Variants in GDPGP1 observed in about 807,000 individuals in gnomAD.
GDPGP1 encodes the protein GDP-D-glucose phosphorylase 1, also known as GDP-D-glucose phosphorylase C15orf58.
In GDPGP1, 18 loss-of-function variants were observed where a neutral mutation model predicts 19.2. The observed-to-expected ratio is 0.94, with a 90% CI of 0.65 to 1.39. The LOEUF is 1.39. Among genes scored for constraint, GDPGP1 ranks in the 40% most tolerant of loss-of-function variants. GDPGP1 has a pLI of 0.00. For missense variants in GDPGP1, 449 were observed against 490.5 expected (o/e 0.92, Z 0.80); for synonymous variants, 219 against 208.9 (o/e 1.05, Z -0.42).
In GDPGP1 at chr15:90,241,455, C is replaced by T. The variant is rs1413454607; in HGVS notation, c.547C>T (p.Pro183Ser). The T allele has an allele frequency of 1.2e-6, 2 of 1,613,616 alleles. No homozygotes were observed. Among genetic ancestry groups the T allele is most frequent in the African/African-American group, 2.7e-5 (2 of 75,066 alleles). ...PARQLPQRLL[P>S]GALRAGIEAV... Reference sequence around the variant, plus strand: ...CCGCCAGCTCCCCCAGCGCCTGCTGCCGGGTGCACTGAGGGCAGGGATTGA... The same window carrying T: ...CCGCCAGCTCCCCCAGCGCCTGCTGTCGGGTGCACTGAGGGCAGGGATTGA... Residue 183 changes from proline to serine, a missense_variant, in exon 4 of 4, where the codon CCG (proline) becomes TCG (serine). By Grantham distance (74) the Pro-to-Ser change is moderately conservative. Transcript: ENST00000329600.
Position 90,241,670 on chromosome 15 carries a change from C to G in GDPGP1, c.762C>G (p.Gly254=). Residue 254 remains glycine (G), a synonymous_variant, in exon 4 of 4, where the codon GGC becomes GGG. Coordinates refer to ENST00000329600, the MANE Select transcript of GDPGP1 (RefSeq NM_001013657.3). ...LHLLQDLPAP[G]FLFYTRGPGP... ...TGCTCCAGGACCTCCCAGCTCCTGGCTTCCTCTTTTACACTCGTGGGCCAG... is the reference window on the plus strand; with the variant it reads ...TGCTCCAGGACCTCCCAGCTCCTGGGTTCCTCTTTTACACTCGTGGGCCAG... 1 of 1,614,220 alleles carries G rather than the reference C, an allele frequency of 6.2e-7. No homozygotes were observed. The highest frequency in any genetic ancestry group is 8.5e-7 in the Non-Finnish European group (1 of 1,180,024).
intron 2 of GDPGP1, among the ~76,000 whole-genome samples, chr15:90,235,252 C>T (rs1463767049): frequency 6.6e-6 from 1 of 152,168 alleles, no homozygotes; most frequent in East Asian, 1.9e-4. Flanking sequence ...ACTGTATTAA[C>T]AGGTACATTC....
Position 90,242,903 on chromosome 15 carries a change from ATGGTCTCTTTAAAGGGGAGCTGATAG to A in GDPGP1, c.*857_*882del, listed in dbSNP as rs910183212. 2.6e-5 allele frequency: 4 copies of A among 152,292 alleles called. No individual in the cohort carries two copies. Among genetic ancestry groups the A allele is most frequent in the East Asian group, 1.9e-4 (1 of 5,182 alleles). 9.4% of individuals were successfully genotyped at this position (152,292 alleles called of 1,614,324 possible). On this transcript the variant is annotated 3_prime_UTR_variant, in exon 4 of 4. Transcript: ENST00000329600. The stretch of plus-strand genomic sequence containing the variant: ...TGATCTCTTAAAGGGGAGAAAGATA[ATGGTCTCTTTAAAGGGGAGCTGATAG>A]TGGTCTCTTTAAAGGGGAGAAAATC...
At chr15:90,234,421 G>C (rs894766762) in intron 1 of GDPGP1, 101 bp from the exon 2 acceptor site, 4 of 152,666 alleles carry the variant, frequency 2.6e-5, no homozygotes, top group African/African-American at 9.6e-5. Context: ...CCTCTGCCCA[G>C]CAAGGGCTTT....
rs1962820232 is a variant in GDPGP1 at position 90,244,056 on chromosome 15, G to C, written c.*1990G>C. On this transcript the variant is annotated 3_prime_UTR_variant, in exon 4 of 4. Coordinates refer to ENST00000329600, the MANE Select transcript of GDPGP1 (RefSeq NM_001013657.3). ...CTCCTGGGTTCAAGCAATTCAGCCT[G>C]AGTCTTCTTAATACCCCCATTCAAA... 6.6e-6 allele frequency: 1 copy of C among 151,902 alleles called. No homozygotes were observed. Among genetic ancestry groups the C allele is most frequent in the Non-Finnish European group, 1.5e-5 (1 of 68,088 alleles). 9.4% of individuals were successfully genotyped at this position (151,902 alleles called of 1,614,324 possible).
intron 3 of GDPGP1, among the ~76,000 whole-genome samples, chr15:90,239,782 G>A (rs567318202): frequency 6.6e-6 from 1 of 152,324 alleles, no homozygotes; most frequent in Admixed American, 6.5e-5. Context: ...GATCTCGGCA[G>A]TGCCTGGTGG....
chr15:90,236,758 G>C (rs1219200864), intron 2 of GDPGP1, among the ~76,000 whole-genome samples: 1 of 151,600 alleles, frequency 6.6e-6, no homozygotes. Context: ...GGATGGTCTC[G>C]ATCTCCTGAT....
intron 3 of GDPGP1, among the ~76,000 whole-genome samples, chr15:90,239,818 G>A (rs1962712614): frequency 6.6e-6 from 1 of 152,202 alleles, no homozygotes; most frequent in African/African-American, 2.4e-5. Flanking sequence ...CCAGATACTT[G>A]GGATGCTGAG....
At chr15:90,240,596 C>T (rs1018933448) in intron 3 of GDPGP1, among the ~76,000 whole-genome samples, 22 of 150,984 alleles carry the variant, frequency 1.5e-4, no homozygotes, top group Non-Finnish European at 4.4e-5. Flanking sequence ...AGGGATCACC[C>T]GATGTCAGGA....
Position 90,241,446 on chromosome 15 carries a change from C to T in GDPGP1, c.538C>T (p.Arg180Cys), listed in dbSNP as rs755991077. ...VPEPARQLPQ[R>C]LLPGALRAGI... ...TGAGCCTGCCCGCCAGCTCCCCCAGCGCCTGCTGCCGGGTGCACTGAGGGC... is the reference window on the plus strand; with the variant it reads ...TGAGCCTGCCCGCCAGCTCCCCCAGTGCCTGCTGCCGGGTGCACTGAGGGC... Residue 180 changes from arginine to cysteine, a missense_variant, in exon 4 of 4, where the codon CGC (arginine) becomes TGC (cysteine). Transcript: ENST00000329600. 8 of 1,613,416 alleles carry T rather than the reference C, an allele frequency of 5.0e-6. No individual in the cohort carries two copies. The highest frequency in any genetic ancestry group is 1.7e-5 in the Admixed American group (1 of 60,002).
Position 90,234,236 on chromosome 15 carries a change from C to T in GDPGP1, c.-198C>T. 4.0e-6 allele frequency: 1 copy of T among 247,306 alleles called. No individual in the cohort carries two copies. The highest frequency in any genetic ancestry group is 7.7e-6 in the Non-Finnish European group (1 of 130,014). 15.3% of individuals were successfully genotyped at this position (247,306 alleles called of 1,614,324 possible). A position where few individuals can be genotyped will look rare whatever the true frequency, so the allele number is the denominator to read the frequency against. ...ATGCGTCACGGGCGTCATGACCTCGCTGTGGCCCCGGCAGCGGCTGCGGGG... is the reference window on the plus strand; with the variant it reads ...ATGCGTCACGGGCGTCATGACCTCGTTGTGGCCCCGGCAGCGGCTGCGGGG... On this transcript the variant is annotated 5_prime_UTR_variant, in exon 1 of 4. Coordinates refer to ENST00000329600, the MANE Select transcript of GDPGP1 (RefSeq NM_001013657.3).
intron 3 of GDPGP1, 42 bp downstream of exon 3, chr15:90,238,590 C>G (rs1238719367): frequency 1.3e-5 from 2 of 152,174 alleles, no homozygotes; most frequent in African/African-American, 4.8e-5. Flanking sequence ...CAGTGGCAGA[C>G]CCCTCTCCCT....
rs1324543481 is a variant in GDPGP1, at chr15:90,241,495, G to C, written c.587G>C (p.Ser196Thr). The C allele has an allele frequency of 6.2e-7, 1 of 1,613,802 alleles. No individual in the cohort carries two copies. Among genetic ancestry groups the C allele is most frequent in the South Asian group, 1.1e-5 (1 of 91,080 alleles). Residue 196 changes from serine (S) to threonine (T), a missense_variant, in exon 4 of 4, where the codon AGC (serine) becomes ACC (threonine). Transcript: ENST00000329600. ...LRAGIEAVLL[S>T]LHPGFRVGFN... The stretch of plus-strand genomic sequence containing the variant: ...GCAGGGATTGAGGCTGTGCTGCTGA[G>C]CTTACACCCGGGCTTCCGTGTCGGC...
chr15:90,238,413 A>T (rs764002687), intron 2 of GDPGP1, 79 bp from the exon 3 acceptor site: 1 of 152,252 alleles, frequency 6.6e-6, no homozygotes. Context: ...CTAAGCCTCA[A>T]TACTCATTAA....
chr15:90,243,191 T>C lies in GDPGP1; in HGVS notation c.*1125T>C, dbSNP rs1329643865. On this transcript the variant is annotated 3_prime_UTR_variant, in exon 4 of 4. Transcript: ENST00000329600. ...TTTATTCCCCTTTGCTCACCACTTA[T>C]TTTTATTGCTTTGTCCCTTCTTTCC... 6.6e-6 allele frequency: 1 copy of C among 152,224 alleles called. No homozygotes were observed. The highest frequency in any genetic ancestry group is 2.4e-5 in the African/African-American group (1 of 41,446). The allele number at this position is 152,224 out of a possible 1,614,324, so 9.4% of individuals were successfully genotyped here. A position where few individuals can be genotyped will look rare whatever the true frequency, so the allele number is the denominator to read the frequency against.
intron 2 of GDPGP1, among the ~76,000 whole-genome samples, chr15:90,237,524 T>A (rs1029681197): frequency 6.6e-6 from 1 of 152,090 alleles, no homozygotes; most frequent in South Asian, 2.1e-4. Context: ...GACCTCGTGA[T>A]TCACCTGCGT....
rs1466658415 is a variant in GDPGP1 at position 90,244,603 on chromosome 15, A to G, written c.*2537A>G. The G allele has an allele frequency of 6.6e-6, 1 of 152,144 alleles. No individual in the cohort carries two copies. The highest frequency in any genetic ancestry group is 1.9e-4 in the East Asian group (1 of 5,186). The allele number at this position is 152,144 out of a possible 1,614,324, so 9.4% of individuals were successfully genotyped here. A position where few individuals can be genotyped will look rare whatever the true frequency, so the allele number is the denominator to read the frequency against. ...CACTTTGGGAAGCCGAGGCAGGCAA[A>G]TCACTTGTCAGGAGTTCGAGACCAG... On this transcript the variant is annotated 3_prime_UTR_variant, in exon 4 of 4. Coordinates refer to ENST00000329600, the MANE Select transcript of GDPGP1 (RefSeq NM_001013657.3).
intron 2 of GDPGP1, chr15:90,236,147 T>C (rs1316922976): frequency 6.6e-6 from 1 of 152,222 alleles, no homozygotes; most frequent in African/African-American, 2.4e-5. Flanking sequence ...CAAGCAGTTC[T>C]CCTGCCTCAG....
intron 2 of GDPGP1, among the ~76,000 whole-genome samples, chr15:90,236,755 C>T (rs977589968): frequency 7.9e-5 from 12 of 151,860 alleles, no homozygotes; most frequent in African/African-American, 2.2e-4. Context: ...CCAGGATGGT[C>T]TCGATCTCCT....
Sources: gnomAD v4.1 joint callset for allele counts (sites outside exome capture counted in the v4.1 genomes callset) on GRCh38, gnomAD v4.1.1 for gene constraint, MANE v1.5 for transcripts, NCBI Gene and HGNC (gene_info 2026-07-23, HGNC 2026-07-21) for gene names.